The following CNTN5 variants were observed in gnomAD, a reference collection of about 807,000 sequenced individuals.
The protein encoded by CNTN5 is contactin 5, also known as contactin-5.
A neutral mutation model predicts 129.1 loss-of-function variants in CNTN5; 77 were observed. The ratio of observed to expected loss-of-function variants is 0.60; its 90% CI spans 0.50 to 0.72. The LOEUF (loss-of-function observed/expected upper bound fraction) is 0.72. CNTN5 is among the 30% of genes least tolerant of loss of function. The probability of loss-of-function intolerance (pLI) is 0.00; values close to 1 mark genes in which losing one functional copy is unlikely to be tolerated. For synonymous variants in CNTN5, 509 were observed against 465.6 expected (o/e 1.09, Z -1.20); for missense variants, 1,478 against 1,328.8 (o/e 1.11, Z -1.75).
At chr11:99,845,927 A>G (rs1243217414) in intron 6 of CNTN5, among the ~76,000 whole-genome samples, 4 of 152,136 alleles carry the variant, frequency 2.6e-5, no homozygotes, top group African/African-American at 9.7e-5. Context: ...TTTTTAAGAT[A>G]TCTATAATTC....
intron 7 of CNTN5, among the ~76,000 whole-genome samples, chr11:99,931,826 C>T (rs1009539260): frequency 6.6e-6 from 1 of 152,136 alleles, no homozygotes; most frequent in Admixed American, 6.5e-5. Context: ...ATGGGTTGAG[C>T]ATGAAAAATG....
At chr11:100,110,746 T>A (rs1945630170) in intron 13 of CNTN5, among the ~76,000 whole-genome samples, 1 of 152,194 alleles carries the variant, frequency 6.6e-6, no homozygotes. Context: ...ACCAATTGCA[T>A]CTTTAGAATC....
chr11:100,331,716 AACCTGCTCCTGAATGAT>A (rs1467619672), intron 21 of CNTN5, among the ~76,000 whole-genome samples: 1 of 152,154 alleles, frequency 6.6e-6, no homozygotes, highest in Non-Finnish European at 1.5e-5. Context: ...GAAATCAAAA[AACCTGCTCCTGAATGAT>A]TGCTGGCTCA....
At chr11:99,784,940 C>T (rs1945462660) in intron 3 of CNTN5, among the ~76,000 whole-genome samples, 1 of 151,550 alleles carries the variant, frequency 6.6e-6, no homozygotes, top group Admixed American at 6.6e-5. Flanking sequence ...GGTGAGACTA[C>T]AGGTGCCTAC....
At chr11:100,259,492 A>T (rs570037862) in intron 17 of CNTN5, among the ~76,000 whole-genome samples, 129 of 152,216 alleles carry the variant, frequency 8.5e-4, no homozygotes, top group Non-Finnish European at 1.5e-3. Flanking sequence ...ACAAATGTAC[A>T]TTTTTCTCAG....
chr11:99,204,802 G>C (rs1005836152), intron 1 of CNTN5, among the ~76,000 whole-genome samples: 3 of 152,192 alleles, frequency 2.0e-5, no homozygotes, highest in Admixed American at 6.5e-5. Context: ...GAGCTGGCGT[G>C]GAGGTATTCA....
At chr11:99,775,235 T>C (rs1040436492) in intron 3 of CNTN5, among the ~76,000 whole-genome samples, 2 of 152,108 alleles carry the variant, frequency 1.3e-5, no homozygotes, top group African/African-American at 4.8e-5. Context: ...TCCAATGACA[T>C]TGGGAAGTAA....
chr11:99,799,675 T>C (rs1488398962), intron 3 of CNTN5, among the ~76,000 whole-genome samples: 4 of 152,144 alleles, frequency 2.6e-5, no homozygotes, highest in Non-Finnish European at 5.9e-5. Flanking sequence ...TTTGCATATA[T>C]GTTTATCAGG....
At chr11:99,568,613 A>T (rs1387278987) in intron 3 of CNTN5, among the ~76,000 whole-genome samples, 2 of 152,232 alleles carry the variant, frequency 1.3e-5, no homozygotes, top group African/African-American at 4.8e-5. Flanking sequence ...CACTCAAGCA[A>T]GCAGACATAA....
At chr11:100,142,336 A>G (rs1363768512) in intron 13 of CNTN5, among the ~76,000 whole-genome samples, 2 of 152,072 alleles carry the variant, frequency 1.3e-5, no homozygotes, top group East Asian at 1.9e-4. Flanking sequence ...CTGTCTGCCT[A>G]TCTGTCTATC....
intron 20 of CNTN5, among the ~76,000 whole-genome samples, chr11:100,307,931 G>T (rs1030557881): frequency 4.0e-5 from 6 of 151,516 alleles, no homozygotes; most frequent in Non-Finnish European, 8.9e-5. Flanking sequence ...GGGAACTAGG[G>T]CTTAGAAAGA....
intron 19 of CNTN5, among the ~76,000 whole-genome samples, chr11:100,298,657 T>A (rs1172948722): frequency 1.3e-5 from 2 of 151,382 alleles, no homozygotes; most frequent in Non-Finnish European, 3.0e-5. Flanking sequence ...CTAAGCCATA[T>A]AGCACAAGAA....
intron 1 of CNTN5, among the ~76,000 whole-genome samples, chr11:99,209,915 T>C (rs921760379): frequency 5.9e-5 from 9 of 152,086 alleles, no homozygotes; most frequent in African/African-American, 2.2e-4. Context: ...GACAGAGAAA[T>C]AGACTAAATC....
intron 2 of CNTN5, among the ~76,000 whole-genome samples, chr11:99,507,208 C>T (rs532897247): frequency 6.6e-6 from 1 of 151,812 alleles, no homozygotes; most frequent in Admixed American, 6.6e-5. Flanking sequence ...AAACTCTCTT[C>T]TACACTAAAA....
At chr11:100,215,918 T>G (rs2138601825) in intron 15 of CNTN5, among the ~76,000 whole-genome samples, 1 of 152,280 alleles carries the variant, frequency 6.6e-6, no homozygotes, top group Non-Finnish European at 1.5e-5. Flanking sequence ...CTTCTAGTTT[T>G]ATGGGACTTA....
chr11:100,022,157 CATTTAAT>C (rs1253134710), intron 9 of CNTN5, among the ~76,000 whole-genome samples: 4 of 152,154 alleles, frequency 2.6e-5, no homozygotes, highest in Non-Finnish European at 5.9e-5. Flanking sequence ...TGCATTCTTC[CATTTAAT>C]CAAGTTGACA....
At chr11:99,536,571 A>C (rs1947906604) in intron 2 of CNTN5, among the ~76,000 whole-genome samples, 1 of 152,098 alleles carries the variant, frequency 6.6e-6, no homozygotes, top group Non-Finnish European at 1.5e-5. Flanking sequence ...AATACAGCAA[A>C]AGGACTTCAC....
intron 1 of CNTN5, among the ~76,000 whole-genome samples, chr11:99,055,408 A>G (rs1363770781): frequency 1.3e-5 from 2 of 152,050 alleles, no homozygotes; most frequent in Non-Finnish European, 2.9e-5. Flanking sequence ...GTCAATGACC[A>G]ACTCAATATA....
chr11:99,837,466 C>A (rs1241062839), intron 4 of CNTN5, among the ~76,000 whole-genome samples: 1 of 152,096 alleles, frequency 6.6e-6, no homozygotes, highest in Non-Finnish European at 1.5e-5. Flanking sequence ...CTGGCATCTT[C>A]TGCTCCTTTA....
Sources: gnomAD v4.1 joint callset for allele counts (sites outside exome capture counted in the v4.1 genomes callset) on GRCh38, gnomAD v4.1.1 for gene constraint, MANE v1.5 for transcripts, NCBI Gene and HGNC (gene_info 2026-07-23, HGNC 2026-07-21) for gene names.